SPATA6: variants seen among roughly 807,000 people sequenced by gnomAD.
The protein encoded by SPATA6 is spermatogenesis associated 6, also known as spermatogenesis-associated protein 6.
SPATA6 carries 56 observed loss-of-function variants against 65.3 expected under a neutral mutation model. That is an observed-to-expected ratio of 0.86 (90% confidence interval 0.69 to 1.07). SPATA6 has a LOEUF of 1.07. Ranked by LOEUF, SPATA6 falls within the 50% of genes least tolerant of loss-of-function variation. The probability of loss-of-function intolerance (pLI) is 0.00; values close to 1 mark genes in which losing one functional copy is unlikely to be tolerated. For synonymous variants in SPATA6, 199 were observed against 213.2 expected (o/e 0.93, Z 0.58); for missense variants, 590 against 594.8 (o/e 0.99, Z 0.08).
At chr1:48,307,415 T>G (rs1323358588) in intron 11 of SPATA6, among the ~76,000 whole-genome samples, 1 of 148,996 alleles carries the variant, frequency 6.7e-6, no homozygotes, top group East Asian at 2.0e-4. Context: ...TATATATAAC[T>G]TGCCCTTTGA....
At chr1:48,418,779 AGGAAGAAGGGAAGGAAGGAAGGAG>A (rs1309048635) in intron 3 of SPATA6, among the ~76,000 whole-genome samples, 48 of 126,464 alleles carry the variant, frequency 3.8e-4, no homozygotes, top group Admixed American at 5.0e-4. Flanking sequence ...AAGGGAAGGA[AGGAAGAAGGGAAGGAAGGAAGGAG>A]GGAAGGAGGG....
At chr1:48,341,485 C>T (rs529901887) in intron 11 of SPATA6, among the ~76,000 whole-genome samples, 28 of 152,278 alleles carry the variant, frequency 1.8e-4, no homozygotes, top group African/African-American at 5.5e-4. Context: ...GCCATCTCAG[C>T]TATCAGATTG....
intron 11 of SPATA6, among the ~76,000 whole-genome samples, chr1:48,308,111 C>A (rs78225269): frequency 0.013 from 1,952 of 151,846 alleles, 15 homozygotes; most frequent in Middle Eastern, 0.045. Context: ...GTTTACATAC[C>A]TATATGATTT....
At chr1:48,366,774 G>T (rs1243631451) in intron 9 of SPATA6, among the ~76,000 whole-genome samples, 4 of 152,030 alleles carry the variant, frequency 2.6e-5, no homozygotes, top group Non-Finnish European at 5.9e-5. Flanking sequence ...TTTTTGAAGG[G>T]TTTTTTGTGT....
At chr1:48,366,829 T>G (rs1296376158) in intron 9 of SPATA6, among the ~76,000 whole-genome samples, 3 of 152,198 alleles carry the variant, frequency 2.0e-5, no homozygotes, top group African/African-American at 7.2e-5. Context: ...ATTTCTTGCC[T>G]TCTGCTAGCT....
chr1:48,378,067 G>A (rs1162345159), intron 9 of SPATA6, among the ~76,000 whole-genome samples: 1 of 152,132 alleles, frequency 6.6e-6, no homozygotes, highest in African/African-American at 2.4e-5. Flanking sequence ...CATACAGATC[G>A]AAAGTATCCT....
chr1:48,314,003 C>T (rs891950499), intron 11 of SPATA6, among the ~76,000 whole-genome samples: 55 of 152,254 alleles, frequency 3.6e-4, no homozygotes, highest in Admixed American at 1.8e-3. Flanking sequence ...ATCCTAAATA[C>T]ATATGCACCC....
At chr1:48,370,081 T>C (rs1201749304) in intron 9 of SPATA6, among the ~76,000 whole-genome samples, 1 of 152,202 alleles carries the variant, frequency 6.6e-6, no homozygotes, top group African/African-American at 2.4e-5. Flanking sequence ...GCCATAAAAA[T>C]GTTACATTTA....
intron 3 of SPATA6, among the ~76,000 whole-genome samples, chr1:48,440,223 T>C (rs1230370818): frequency 6.6e-6 from 1 of 152,042 alleles, no homozygotes; most frequent in East Asian, 1.9e-4. Flanking sequence ...TCTGGCCCAA[T>C]CCGGGTACAT....
chr1:48,315,689 C>T (rs1003393761), intron 11 of SPATA6, among the ~76,000 whole-genome samples: 4 of 152,086 alleles, frequency 2.6e-5, no homozygotes, highest in South Asian at 2.1e-4. Context: ...GTTCTGGCCA[C>T]GGCAATGAGG....
At chr1:48,290,818 A>C (rs893500625), downstream of SPATA6, among the ~76,000 whole-genome samples, 1 of 152,208 alleles carries the variant, frequency 6.6e-6, no homozygotes. Flanking sequence ...ATATATGCAC[A>C]CAACACAGGA....
intron 1 of SPATA6, among the ~76,000 whole-genome samples, chr1:48,462,116 T>C (rs991583404): frequency 3.9e-5 from 6 of 151,950 alleles, no homozygotes. Context: ...ACACCGCATG[T>C]TCTCACTCAT....
intron 12 of SPATA6, among the ~76,000 whole-genome samples, chr1:48,303,974 G>C (rs1644999388): frequency 6.6e-6 from 1 of 152,164 alleles, no homozygotes. Flanking sequence ...ATCTGTAGAG[G>C]ATTGATAGTA....
chr1:48,381,410 T>C (rs1416631883), intron 9 of SPATA6, among the ~76,000 whole-genome samples: 1 of 152,170 alleles, frequency 6.6e-6, no homozygotes, highest in Admixed American at 6.5e-5. Context: ...AGAATAAATA[T>C]TTATAAAGCT....
At chr1:48,463,790 T>G (rs913400177) in intron 1 of SPATA6, among the ~76,000 whole-genome samples, 8 of 152,054 alleles carry the variant, frequency 5.3e-5, no homozygotes, top group Admixed American at 1.3e-4. Flanking sequence ...TGAAAAAAAG[T>G]AGTTGACTCA....
At chr1:48,361,534 A>T (rs1025048225) in intron 9 of SPATA6, among the ~76,000 whole-genome samples, 3 of 152,152 alleles carry the variant, frequency 2.0e-5, no homozygotes, top group African/African-American at 7.2e-5. Flanking sequence ...TTTGAGTCCC[A>T]GTCATGTCCT....
chr1:48,356,114 T>C (rs964153421), intron 10 of SPATA6, among the ~76,000 whole-genome samples: 1 of 152,140 alleles, frequency 6.6e-6, no homozygotes, highest in Non-Finnish European at 1.5e-5. Context: ...ATGTGTATAA[T>C]AGACAAAAAT....
chr1:48,357,297 T>A (rs1458137438), intron 10 of SPATA6, among the ~76,000 whole-genome samples: 1 of 152,134 alleles, frequency 6.6e-6, no homozygotes, highest in African/African-American at 2.4e-5. Flanking sequence ...TTCTGAAATA[T>A]AACACTTATA....
chr1:48,403,450 G>C (rs1432227420), intron 6 of SPATA6, among the ~76,000 whole-genome samples: 1 of 152,104 alleles, frequency 6.6e-6, no homozygotes. Context: ...GCAGTATTCT[G>C]TAACTTCCAT....
Sources: gnomAD v4.1 joint callset for allele counts (sites outside exome capture counted in the v4.1 genomes callset) on GRCh38, gnomAD v4.1.1 for gene constraint, MANE v1.5 for transcripts, NCBI Gene and HGNC (gene_info 2026-07-23, HGNC 2026-07-21) for gene names.